CCDC144A: variants seen among roughly 807,000 people sequenced by gnomAD.
CCDC144A encodes the protein coiled-coil domain containing 144A.
A neutral mutation model predicts 143.8 loss-of-function variants in CCDC144A; 41 were observed. The observed-to-expected ratio is 0.29, with a 90% confidence interval of 0.22 to 0.37. CCDC144A has a LOEUF of 0.37. Ranked by LOEUF, CCDC144A falls within the 10% of genes least tolerant of loss-of-function variation. The pLI is 1.00. For synonymous variants in CCDC144A, 242 were observed against 517.9 expected (o/e 0.47, Z 7.23); for missense variants, 637 against 1,488.8 (o/e 0.43, Z 9.41).
chr17:16,715,480 C>T (rs1163169595), intron 6 of CCDC144A, among the ~76,000 whole-genome samples: 1 of 152,100 alleles, frequency 6.6e-6, no homozygotes, highest in Non-Finnish European at 1.5e-5. Flanking sequence ...TCATTACTCA[C>T]TATTTATTCT....
chr17:16,756,742 G>A (rs562445211), intron 12 of CCDC144A, among the ~76,000 whole-genome samples: 131 of 151,778 alleles, frequency 8.6e-4, no homozygotes, highest in African/African-American at 3.0e-3. Context: ...TGTGCAGCTG[G>A]TGTAACAGTC....
chr17:16,672,395 A>G, the CCDC144A span, among the ~76,000 whole-genome samples: 1 of 152,042 alleles, frequency 6.6e-6, no homozygotes, highest in African/African-American at 2.4e-5. Flanking sequence ...CAGTGAGCCA[A>G]GATCACGCCA....
At chr17:16,695,764 T>G (rs950681200) in intron 2 of CCDC144A, among the ~76,000 whole-genome samples, 13 of 151,880 alleles carry the variant, frequency 8.6e-5, no homozygotes, top group African/African-American at 3.1e-4. Context: ...ACACTTTATG[T>G]GGTGAGGAAT....
chr17:16,724,048 A>G (rs1444711780), intron 8 of CCDC144A, among the ~76,000 whole-genome samples: 2 of 151,536 alleles, frequency 1.3e-5, no homozygotes, highest in African/African-American at 2.4e-5. Context: ...TTTCATTTTC[A>G]TTCAGTTCAA....
intron 9 of CCDC144A, among the ~76,000 whole-genome samples, chr17:16,730,264 CT>C (rs1419322766): frequency 1.8e-5 from 2 of 111,558 alleles, no homozygotes; most frequent in Non-Finnish European, 3.5e-5. Context: ...CAGTTTATGT[CT>C]TTGTACGCTT....
At chr17:16,724,964 T>C (rs1913322491) in intron 8 of CCDC144A, among the ~76,000 whole-genome samples, 1 of 147,982 alleles carries the variant, frequency 6.8e-6, no homozygotes, top group Non-Finnish European at 1.5e-5. Context: ...TAACTGAACT[T>C]TTAAAAGTCA....
At chr17:16,731,379 GAA>G in intron 9 of CCDC144A, 1 of 208,184 alleles carries the variant, frequency 4.8e-6, no homozygotes, top group Non-Finnish European at 9.7e-6. Flanking sequence ...TCATGAAGAT[GAA>G]AATGCATTTC....
chr17:16,683,517 T>C, the CCDC144A span: 12 of 1,523,782 alleles, frequency 7.9e-6, no homozygotes, highest in African/African-American at 1.4e-5. Context: ...CGGGATGTTC[T>C]ATGCCGTGAG....
intron 3 of CCDC144A, chr17:16,707,132 A>G (rs1303937740): frequency 2.1e-5 from 5 of 243,500 alleles, no homozygotes; most frequent in Non-Finnish European, 3.2e-5. Flanking sequence ...AGTATGCAGC[A>G]TTGCCTGATA....
At chr17:16,742,667 T>C (rs1452294447) in intron 12 of CCDC144A, among the ~76,000 whole-genome samples, 1 of 152,196 alleles carries the variant, frequency 6.6e-6, no homozygotes, top group Non-Finnish European at 1.5e-5. Context: ...CCTCCACGAG[T>C]GCATAAGAGT....
At chr17:16,743,480 G>T (rs898392065) in intron 12 of CCDC144A, among the ~76,000 whole-genome samples, 4 of 151,910 alleles carry the variant, frequency 2.6e-5, no homozygotes, top group Non-Finnish European at 4.4e-5. Flanking sequence ...TTGCTCTTTT[G>T]GTTACTGTAA....
intron 12 of CCDC144A, chr17:16,737,632 A>G: frequency 7.7e-7 from 1 of 1,290,532 alleles, no homozygotes; most frequent in Non-Finnish European, 1.0e-6. Flanking sequence ...AATTTAGATG[A>G]GACACAGGAT....
intron 6 of CCDC144A, among the ~76,000 whole-genome samples, chr17:16,713,836 T>C (rs1445742419): frequency 1.3e-5 from 2 of 152,204 alleles, no homozygotes; most frequent in African/African-American, 4.8e-5. Flanking sequence ...TTAGATCATC[T>C]ACAGTCATGC....
At chr17:16,688,614 G>A (rs1207319374), upstream of CCDC144A, among the ~76,000 whole-genome samples, 4 of 149,038 alleles carry the variant, frequency 2.7e-5, no homozygotes, top group Non-Finnish European at 3.0e-5. Context: ...TCAGCCTCCC[G>A]AGTAGCTGGG....
In CCDC144A at chr17:16,711,398, T is replaced by C. The variant is rs117161624; in HGVS notation, c.1579-281T>C. 3.5e-4 allele frequency among the ~76,000 whole-genome samples: 53 copies of C among 152,024 alleles called. No homozygotes were observed. The East Asian group carries it at 8.9e-3, about 25-fold the overall frequency. ...GGTGGTTGGGAATAAAAGCACAAAA[T>C]TAAGAAGGGCCCTGCTTGAAATTTT... On this transcript the variant is annotated intron_variant, in intron 5 of 16. Coordinates refer to ENST00000399273, the MANE Select transcript of CCDC144A (RefSeq NM_001382000.1).
At chr17:16,688,839 C>T (rs142879291), upstream of CCDC144A, among the ~76,000 whole-genome samples, 2,210 of 152,166 alleles carry the variant, frequency 0.015, 126 homozygotes, top group East Asian at 0.21. Flanking sequence ...TTCATGTTTT[C>T]TTATACATAG....
At chr17:16,677,754 C>T in the CCDC144A span, among the ~76,000 whole-genome samples, 6,574 of 150,670 alleles carry the variant, frequency 0.044, 246 homozygotes, top group Admixed American at 0.075. Flanking sequence ...TTGCAATGAG[C>T]GGAGATCATG....
intron 6 of CCDC144A, among the ~76,000 whole-genome samples, chr17:16,715,776 A>C (rs1912713465): frequency 6.6e-6 from 1 of 152,156 alleles, no homozygotes; most frequent in Admixed American, 6.5e-5. Flanking sequence ...GCATTGGCAG[A>C]CTCTCAGCGG....
At position 16,690,555 on chromosome 17, in the gene CCDC144A, G is replaced by C. The variant is rs780366682; in HGVS notation, c.155G>C (p.Ser52Thr). ...CAGTGGTCCTCGGGCTTCCCCTACAGCTGGTGGAAAAACAGCGTCGGCAGC... is the reference window on the plus strand; with the variant it reads ...CAGTGGTCCTCGGGCTTCCCCTACACCTGGTGGAAAAACAGCGTCGGCAGC... ...GDQWSSGFPY[S>T]WWKNSVGSES... Residue 52 changes from serine (S) to threonine (T), a missense_variant, in exon 1 of 17, where the codon AGC (serine) becomes ACC (threonine). By Grantham distance (58) the Ser-to-Thr change is moderately conservative. Transcript: ENST00000399273. The C allele has an allele frequency of 1.2e-6, 2 of 1,613,750 alleles. No individual in the cohort carries two copies. Among genetic ancestry groups the C allele is most frequent in the Admixed American group, 3.3e-5 (2 of 59,998 alleles).
Sources: allele counts gnomAD v4.1 joint callset (sites outside exome capture counted in the v4.1 genomes callset), GRCh38; gene constraint gnomAD v4.1.1; transcripts MANE v1.5; gene names NCBI Gene and HGNC (gene_info 2026-07-23, HGNC 2026-07-21).